Variants in SOX6 observed in about 807,000 individuals in gnomAD.
The protein encoded by SOX6 is SRY-box transcription factor 6, also known as transcription factor SOX-6.
A neutral mutation model predicts 97.8 loss-of-function variants in SOX6; 11 were observed. That is an observed-to-expected ratio of 0.11 (90% confidence interval 0.07 to 0.19). The LOEUF (loss-of-function observed/expected upper bound fraction) is 0.19. Ranked by LOEUF, SOX6 falls within the 10% of genes least tolerant of loss-of-function variation. SOX6 has a pLI of 1.00. For synonymous variants in SOX6, 360 were observed against 371.4 expected (o/e 0.97, Z 0.35); for missense variants, 810 against 1,039.5 (o/e 0.78, Z 3.04).
intron 4 of SOX6, among the ~76,000 whole-genome samples, chr11:16,526,904 A>T (rs1861175236): frequency 6.6e-6 from 1 of 152,114 alleles, no homozygotes; most frequent in African/African-American, 2.4e-5. Context: ...TTCCCCGGAC[A>T]TCTTCTAAGA....
chr11:16,346,379 C>T (rs1252819622), intron 1 of SOX6, among the ~76,000 whole-genome samples: 1 of 152,034 alleles, frequency 6.6e-6, no homozygotes, highest in Middle Eastern at 3.2e-3. Flanking sequence ...CTTCTTCTAT[C>T]TCTAATTTCC....
intron 4 of SOX6, among the ~76,000 whole-genome samples, chr11:16,490,224 T>C (rs1225844240): frequency 1.3e-5 from 2 of 152,062 alleles, no homozygotes; most frequent in Non-Finnish European, 2.9e-5. Flanking sequence ...TAAGTGGGCA[T>C]AGCTGTATTC....
At chr11:16,268,491 G>A (rs1299639207) in intron 3 of SOX6, among the ~76,000 whole-genome samples, 1 of 151,128 alleles carries the variant, frequency 6.6e-6, no homozygotes, top group Admixed American at 6.6e-5. Flanking sequence ...GATATGATAT[G>A]ATATATGATG....
intron 3 of SOX6, chr11:16,284,037 A>G (rs887107311): frequency 1.7e-5 from 4 of 237,608 alleles, no homozygotes; most frequent in South Asian, 4.3e-5. Context: ...TTCTTCTTAC[A>G]TTAATATTTA....
intron 3 of SOX6, 43 bp downstream of exon 3, chr11:16,318,403 T>C (rs1374457342): frequency 6.2e-7 from 1 of 1,600,074 alleles, no homozygotes; most frequent in Admixed American, 1.7e-5. Flanking sequence ...CTGGAATCTT[T>C]AGAAGAAAAA....
intron 3 of SOX6, among the ~76,000 whole-genome samples, chr11:16,287,468 T>A (rs1377047179): frequency 6.6e-6 from 1 of 151,988 alleles, no homozygotes; most frequent in African/African-American, 2.4e-5. Flanking sequence ...AAGGGCCCCA[T>A]TAAACTCAAG....
At chr11:16,583,614 C>CATATATATATATATATATATATATATAT (rs534690651) in intron 4 of SOX6, among the ~76,000 whole-genome samples, 1 of 104,704 alleles carries the variant, frequency 9.6e-6, no homozygotes. Context: ...TATATATATA[C>CATATATATATATATATATATATATATAT]ATATATATAT....
intron 4 of SOX6, among the ~76,000 whole-genome samples, chr11:16,518,013 G>A (rs558731083): frequency 2.2e-4 from 33 of 151,874 alleles, no homozygotes; most frequent in African/African-American, 7.0e-4. Flanking sequence ...TTCATTGCTC[G>A]CCCCATCCAT....
At chr11:16,149,691 T>A (rs1316596422) in intron 6 of SOX6, among the ~76,000 whole-genome samples, 1 of 152,202 alleles carries the variant, frequency 6.6e-6, no homozygotes, top group Non-Finnish European at 1.5e-5. Flanking sequence ...AGAATAAGGA[T>A]TTTAAAACTC....
intron 1 of SOX6, among the ~76,000 whole-genome samples, chr11:16,471,894 A>C (rs986577419): frequency 7.9e-5 from 12 of 152,242 alleles, no homozygotes; most frequent in African/African-American, 2.9e-4. Flanking sequence ...TAATTGCTTT[A>C]AGCCTGTATG....
intron 6 of SOX6, among the ~76,000 whole-genome samples, chr11:16,137,690 G>T (rs930263956): frequency 6.6e-6 from 1 of 152,108 alleles, no homozygotes. Context: ...TGTCTGATAT[G>T]GTTTGGCTGT....
chr11:16,119,317 A>C (rs368438541), intron 6 of SOX6, among the ~76,000 whole-genome samples: 1 of 152,228 alleles, frequency 6.6e-6, no homozygotes, highest in African/African-American at 2.4e-5. Context: ...GGATAAATTC[A>C]TGCCTTAACA....
chr11:16,535,924 C>A (rs1861301910), intron 4 of SOX6, among the ~76,000 whole-genome samples: 1 of 152,200 alleles, frequency 6.6e-6, no homozygotes. Context: ...CTTCTTCTCT[C>A]AAAATATTTG....
intron 1 of SOX6, among the ~76,000 whole-genome samples, chr11:16,350,072 T>C (rs895186417): frequency 2.6e-5 from 4 of 152,196 alleles, no homozygotes; most frequent in African/African-American, 9.6e-5. Context: ...AGGGTGACAG[T>C]GAAATGAATT....
intron 4 of SOX6, among the ~76,000 whole-genome samples, chr11:16,603,011 A>G (rs1463789490): frequency 6.6e-6 from 1 of 152,056 alleles, no homozygotes; most frequent in Non-Finnish European, 1.5e-5. Context: ...ACAGAGCCAG[A>G]TTCCGTCTCA....
At chr11:16,119,662 T>C (rs1200481008) in intron 6 of SOX6, among the ~76,000 whole-genome samples, 2 of 152,188 alleles carry the variant, frequency 1.3e-5, no homozygotes, top group African/African-American at 2.4e-5. Context: ...GCCAACCAAC[T>C]AGGACCTCAG....
chr11:16,540,731 T>A (rs1233654552), intron 4 of SOX6, among the ~76,000 whole-genome samples: 1 of 151,764 alleles, frequency 6.6e-6, no homozygotes, highest in Non-Finnish European at 1.5e-5. Context: ...ATTGCTACAG[T>A]GAGAATAAAA....
At chr11:16,569,893 T>A (rs1847919413) in intron 4 of SOX6, among the ~76,000 whole-genome samples, 1 of 120,324 alleles carries the variant, frequency 8.3e-6, no homozygotes, top group Admixed American at 7.9e-5. Context: ...AAAGATATAC[T>A]GTGCAGAAAA....
chr11:16,260,252 G>C (rs920845437), intron 3 of SOX6, among the ~76,000 whole-genome samples: 3 of 151,926 alleles, frequency 2.0e-5, no homozygotes, highest in Non-Finnish European at 1.5e-5. Context: ...CACTCACCTC[G>C]GCCTCCCAAA....
Sources: gnomAD v4.1 joint callset for allele counts (sites outside exome capture counted in the v4.1 genomes callset) on GRCh38, gnomAD v4.1.1 for gene constraint, MANE v1.5 for transcripts, NCBI Gene and HGNC (gene_info 2026-07-23, HGNC 2026-07-21) for gene names.